SOX5: variants seen among roughly 807,000 people sequenced by gnomAD.
SOX5 encodes the protein transcription factor SOX-5.
In SOX5, 9 loss-of-function variants were observed where a neutral mutation model predicts 92.0. That is an observed-to-expected ratio of 0.10 (90% confidence interval 0.06 to 0.17). The LOEUF (loss-of-function observed/expected upper bound fraction) is 0.17. Ranked by LOEUF, SOX5 falls within the 10% of genes least tolerant of loss-of-function variation. SOX5 has a pLI of 1.00. For synonymous variants in SOX5, 344 were observed against 336.3 expected, an observed-to-expected ratio of 1.02 and a Z score of -0.25; for missense variants, 642 against 944.5, an observed-to-expected ratio of 0.68 and a Z score of 4.20.
intron 1 of SOX5, among the ~76,000 whole-genome samples, chr12:23,942,333 C>T (rs1943804069): frequency 6.6e-6 from 1 of 151,574 alleles, no homozygotes; most frequent in Admixed American, 6.6e-5. Context: ...AACCTATCTC[C>T]CTGGTATTTC....
chr12:24,039,446 C>A (rs989949812), intron 4 of SOX5, among the ~76,000 whole-genome samples: 2 of 152,092 alleles, frequency 1.3e-5, no homozygotes, highest in Admixed American at 6.6e-5. Flanking sequence ...AAGGGCTGTT[C>A]TTCAATTCAT....
chr12:23,951,329 AC>A (rs1019690110), upstream of SOX5, among the ~76,000 whole-genome samples: 8 of 150,264 alleles, frequency 5.3e-5, no homozygotes, highest in Non-Finnish European at 8.9e-5. Context: ...CTCCCCCCCA[AC>A]CCCCTCCACT....
At chr12:24,316,851 G>A (rs1205672901) in intron 2 of SOX5, among the ~76,000 whole-genome samples, 1 of 151,990 alleles carries the variant, frequency 6.6e-6, no homozygotes, top group Non-Finnish European at 1.5e-5. Context: ...ACCCCTTCTA[G>A]TGTGAGCAAG....
intron 3 of SOX5, among the ~76,000 whole-genome samples, chr12:24,273,430 T>C (rs1439939485): frequency 1.3e-5 from 2 of 152,220 alleles, no homozygotes; most frequent in Non-Finnish European, 2.9e-5. Context: ...CATTATATTT[T>C]TCTAGAAATG....
chr12:23,879,608 A>T (rs2096965192), intron 2 of SOX5, among the ~76,000 whole-genome samples: 1 of 152,164 alleles, frequency 6.6e-6, no homozygotes, highest in Admixed American at 6.6e-5. Context: ...GCCAATCTTA[A>T]ATTAATGTAT....
intron 9 of SOX5, among the ~76,000 whole-genome samples, chr12:23,583,133 T>C (rs950119314): frequency 1.3e-5 from 2 of 152,106 alleles, no homozygotes; most frequent in African/African-American, 4.8e-5. Flanking sequence ...TTAATCCAAA[T>C]AGTGCCACAC....
At chr12:23,613,471 T>A (rs546660763) in intron 8 of SOX5, among the ~76,000 whole-genome samples, 1 of 152,256 alleles carries the variant, frequency 6.6e-6, no homozygotes, top group South Asian at 2.1e-4. Context: ...AAAAAATTAA[T>A]GATAGAATTA....
chr12:24,407,078 C>T (rs1415485065), intron 1 of SOX5, among the ~76,000 whole-genome samples: 1 of 151,098 alleles, frequency 6.6e-6, no homozygotes, highest in African/African-American at 2.4e-5. Flanking sequence ...ACAAGAGTGG[C>T]AATGCAAAAA....
At chr12:24,032,699 G>C (rs1056031072) in intron 4 of SOX5, among the ~76,000 whole-genome samples, 5 of 151,770 alleles carry the variant, frequency 3.3e-5, no homozygotes, top group African/African-American at 1.2e-4. Context: ...ACTAAACTCG[G>C]TGGGAAATAT....
chr12:23,589,927 G>A (rs982585207), intron 9 of SOX5, among the ~76,000 whole-genome samples: 30 of 151,906 alleles, frequency 2.0e-4, no homozygotes, highest in South Asian at 4.1e-4. Flanking sequence ...TGGGACTGAG[G>A]ATCATACAAA....
At chr12:23,846,390 C>A (rs896031447) in intron 2 of SOX5, among the ~76,000 whole-genome samples, 197 bp from the exon 3 acceptor site, 3 of 152,026 alleles carry the variant, frequency 2.0e-5, no homozygotes, top group African/African-American at 7.2e-5. Context: ...GCAAAGAAAC[C>A]AAGAAATTTC....
At chr12:24,164,258 T>C (rs1953120698) in intron 4 of SOX5, among the ~76,000 whole-genome samples, 1 of 152,102 alleles carries the variant, frequency 6.6e-6, no homozygotes, top group South Asian at 2.1e-4. Context: ...TGATGTTTTA[T>C]TGTTCAAACA....
At chr12:24,295,888 C>T (rs1273846926) in intron 2 of SOX5, among the ~76,000 whole-genome samples, 1 of 152,058 alleles carries the variant, frequency 6.6e-6, no homozygotes, top group African/African-American at 2.4e-5. Context: ...CACAGGGTAC[C>T]TCTTATTTGG....
chr12:23,962,398 C>T (rs1001901941), intron 4 of SOX5, among the ~76,000 whole-genome samples: 5 of 151,972 alleles, frequency 3.3e-5, no homozygotes, highest in East Asian at 1.9e-4. Context: ...CAGGTACGCA[C>T]GCAAGCAAAT....
intron 1 of SOX5, among the ~76,000 whole-genome samples, chr12:24,517,705 T>G (rs114518351): frequency 0.6 from 88,762 of 147,994 alleles, 27,183 homozygotes; most frequent in East Asian, 0.97. Flanking sequence ...AATTCCATGT[T>G]TTTTTTTTTT....
intron 1 of SOX5, among the ~76,000 whole-genome samples, chr12:24,467,015 A>T (rs1043925247): frequency 3.9e-5 from 6 of 152,080 alleles, no homozygotes; most frequent in African/African-American, 1.4e-4. Flanking sequence ...TCTCCACTTA[A>T]TTCTCTCATA....
intron 8 of SOX5, among the ~76,000 whole-genome samples, chr12:23,607,673 A>G (rs1348466590): frequency 6.6e-6 from 1 of 152,302 alleles, no homozygotes; most frequent in Non-Finnish European, 1.5e-5. Flanking sequence ...TGATGTCTAC[A>G]GTCACAGAAC....
chr12:23,913,351 T>A (rs1356477765), intron 1 of SOX5, among the ~76,000 whole-genome samples: 1 of 152,120 alleles, frequency 6.6e-6, no homozygotes, highest in Non-Finnish European at 1.5e-5. Context: ...TCTTTTCTTT[T>A]TTTAAGTTCT....
intron 2 of SOX5, among the ~76,000 whole-genome samples, chr12:23,895,265 G>A (rs1456211979): frequency 1.3e-5 from 2 of 150,710 alleles, no homozygotes; most frequent in Non-Finnish European, 3.0e-5. Flanking sequence ...GAATAGGCCT[G>A]AGTTAGAAAT....
Sources: allele counts gnomAD v4.1 joint callset (sites outside exome capture counted in the v4.1 genomes callset), GRCh38; gene constraint gnomAD v4.1.1; transcripts MANE v1.5; gene names NCBI Gene and HGNC (gene_info 2026-07-23, HGNC 2026-07-21).